The following UNC5D variants were observed in gnomAD, a reference collection of about 807,000 sequenced individuals.
UNC5D encodes the protein unc-5 netrin receptor D, also known as netrin receptor UNC5D.
UNC5D carries 39 observed loss-of-function variants against 105.4 expected under a neutral mutation model. The observed-to-expected ratio is 0.37, with a 90% CI of 0.29 to 0.48. UNC5D has a LOEUF of 0.48. Among genes scored for constraint, UNC5D ranks in the 20% least tolerant of loss-of-function variants. The pLI is 0.98. For synonymous variants in UNC5D, 452 were observed against 450.4 expected (o/e 1.00, Z -0.04); for missense variants, 991 against 1,202.4 (o/e 0.82, Z 2.60).
rs780384011 is a variant in UNC5D, at chr8:35,731,043, C to A, written c.1713C>A (p.Ile571=). ...GCTTACTCATACCACACGGTGCCAT[C>A]CCAGAGGAGAATTCTTGGGAGATTT... ...GVSLLIPHGA[I]PEENSWEIYM... The change falls in exon 11 of 17, where the codon ATC becomes ATA. Residue 571 remains isoleucine (I), a synonymous_variant. Coordinates refer to ENST00000404895, the MANE Select transcript of UNC5D (RefSeq NM_080872.4). 3.1e-6 allele frequency: 5 copies of A among 1,613,872 alleles called. No individual in the cohort carries two copies. Among genetic ancestry groups the A allele is most frequent in the Non-Finnish European group, 4.2e-6 (5 of 1,179,872 alleles).
chr8:35,434,991 A>C (rs1806913918), intron 1 of UNC5D, among the ~76,000 whole-genome samples: 1 of 152,074 alleles, frequency 6.6e-6, no homozygotes, highest in East Asian at 1.9e-4. Flanking sequence ...TCATCTGTGC[A>C]CTTAGTGAAT....
intron 3 of UNC5D, among the ~76,000 whole-genome samples, chr8:35,569,322 G>A (rs542559060): frequency 1.3e-5 from 2 of 152,300 alleles, no homozygotes; most frequent in African/African-American, 4.8e-5. Flanking sequence ...GGGAGATAGG[G>A]GAAGAGATGG....
intron 1 of UNC5D, among the ~76,000 whole-genome samples, chr8:35,546,494 G>C (rs1815690597): frequency 6.6e-6 from 1 of 152,152 alleles, no homozygotes; most frequent in Admixed American, 6.5e-5. Flanking sequence ...GCATCATTCA[G>C]ATTGCATGTC....
chr8:35,547,283 C>T (rs1028611826), intron 1 of UNC5D, among the ~76,000 whole-genome samples: 3 of 122,922 alleles, frequency 2.4e-5, no homozygotes, highest in African/African-American at 1.2e-4. Context: ...CAGAACATTA[C>T]TCTTTTTTTT....
At chr8:35,473,066 T>C (rs1809849830) in intron 1 of UNC5D, among the ~76,000 whole-genome samples, 1 of 152,218 alleles carries the variant, frequency 6.6e-6, no homozygotes, top group Non-Finnish European at 1.5e-5. Context: ...GTGTAATGTT[T>C]CTTTAAATGT....
chr8:35,294,582 A>T (rs890551449), intron 1 of UNC5D, among the ~76,000 whole-genome samples: 6 of 152,082 alleles, frequency 3.9e-5, no homozygotes, highest in Non-Finnish European at 5.9e-5. Flanking sequence ...ACAATTCTGT[A>T]CCCACATAAA....
At chr8:35,536,304 G>A (rs1037936852) in intron 1 of UNC5D, among the ~76,000 whole-genome samples, 2 of 152,236 alleles carry the variant, frequency 1.3e-5, no homozygotes, top group South Asian at 4.1e-4. Flanking sequence ...TACCACATCC[G>A]AGCAGGCTCA....
At chr8:35,433,980 G>A (rs960648633) in intron 1 of UNC5D, among the ~76,000 whole-genome samples, 3 of 151,818 alleles carry the variant, frequency 2.0e-5, no homozygotes, top group African/African-American at 7.3e-5. Context: ...TTGTGACATA[G>A]GCTTGCAATG....
intron 14 of UNC5D, 92 bp from the exon 15 acceptor site, chr8:35,766,810 C>G: frequency 7.3e-6 from 10 of 1,363,942 alleles, no homozygotes; most frequent in East Asian, 7.2e-5. Flanking sequence ...TTGTCGTCAT[C>G]ATCATCATCA....
chr8:35,486,812 A>G (rs1810852013), intron 1 of UNC5D, among the ~76,000 whole-genome samples: 1 of 152,154 alleles, frequency 6.6e-6, no homozygotes, highest in African/African-American at 2.4e-5. Context: ...TACTCCGTAT[A>G]TTAGTATTTT....
chr8:35,328,220 CTTTAT>C (rs919217305), intron 1 of UNC5D, among the ~76,000 whole-genome samples: 1 of 71,014 alleles, frequency 1.4e-5, no homozygotes, highest in African/African-American at 4.2e-5. Flanking sequence ...CAAAGATTTA[CTTTAT>C]TTTATTTATT....
intron 1 of UNC5D, among the ~76,000 whole-genome samples, chr8:35,485,981 G>A (rs1397138493): frequency 2.0e-5 from 3 of 152,114 alleles, no homozygotes; most frequent in Admixed American, 6.5e-5. Context: ...TGCAGCTTGC[G>A]GATCACATGG....
chr8:35,675,478 A>G (rs538298124), intron 4 of UNC5D, among the ~76,000 whole-genome samples: 1 of 152,308 alleles, frequency 6.6e-6, no homozygotes, highest in South Asian at 2.1e-4. Flanking sequence ...AGATGAATTG[A>G]GACACTTTAG....
chr8:35,469,396 G>A (rs930503119), intron 1 of UNC5D, among the ~76,000 whole-genome samples: 5 of 152,156 alleles, frequency 3.3e-5, no homozygotes, highest in Admixed American at 2.6e-4. Context: ...GGAGTAATCA[G>A]TAAATAGAAG....
chr8:35,248,982 T>A (rs1803463021), intron 1 of UNC5D, among the ~76,000 whole-genome samples: 1 of 85,132 alleles, frequency 1.2e-5, no homozygotes, highest in Non-Finnish European at 2.1e-5. Context: ...TATATTTTTA[T>A]ATAATATATT....
At chr8:35,635,252 G>T (rs1822291805) in intron 4 of UNC5D, among the ~76,000 whole-genome samples, 1 of 151,820 alleles carries the variant, frequency 6.6e-6, no homozygotes, top group African/African-American at 2.4e-5. Flanking sequence ...TTGAGTATTT[G>T]CACCAAGGCA....
At chr8:35,760,805 C>A (rs1322630507) in intron 14 of UNC5D, among the ~76,000 whole-genome samples, 1 of 151,600 alleles carries the variant, frequency 6.6e-6, no homozygotes, top group African/African-American at 2.4e-5. Flanking sequence ...GACAGGTATA[C>A]CAGCTTGTCA....
intron 1 of UNC5D, among the ~76,000 whole-genome samples, chr8:35,303,976 C>T (rs1049620646): frequency 5.3e-5 from 8 of 151,952 alleles, no homozygotes; most frequent in African/African-American, 1.9e-4. Context: ...TTTGGAGCTC[C>T]TCCATGTTAA....
At chr8:35,576,101 T>C (rs1168292389) in intron 3 of UNC5D, among the ~76,000 whole-genome samples, 1 of 151,990 alleles carries the variant, frequency 6.6e-6, no homozygotes, top group Non-Finnish European at 1.5e-5. Context: ...CCTGTGTACA[T>C]AATTTGCAGG....
Sources: allele counts gnomAD v4.1 joint callset (sites outside exome capture counted in the v4.1 genomes callset), GRCh38; gene constraint gnomAD v4.1.1; transcripts MANE v1.5; gene names NCBI Gene and HGNC (gene_info 2026-07-23, HGNC 2026-07-21).